The following EYS variants were observed in gnomAD, a reference collection of about 807,000 sequenced individuals.
The protein encoded by EYS is protein eyes shut homolog.
EYS carries 250 observed loss-of-function variants against 282.1 expected under a neutral mutation model. That is an observed-to-expected ratio of 0.89 (90% CI 0.80 to 0.98). The LOEUF (loss-of-function observed/expected upper bound fraction) is 0.98. EYS is among the 50% of genes least tolerant of loss of function. EYS has a pLI of 0.00. For synonymous variants in EYS, 1,355 were observed against 1,282.9 expected (o/e 1.06, Z -1.20); for missense variants, 4,016 against 3,709.0 (o/e 1.08, Z -2.15).
chr6:63,824,978 T>A (rs1342850860), intron 36 of EYS, among the ~76,000 whole-genome samples: 2 of 152,198 alleles, frequency 1.3e-5, no homozygotes, highest in Admixed American at 1.3e-4. Flanking sequence ...AGCCCTTTTC[T>A]TTTGCAGCTG....
At position 65,454,404 on chromosome 6, in the gene EYS, A is replaced by T. The variant is rs189640820; in HGVS notation, c.862+36190T>A. Among the ~76,000 whole-genome samples, 417 of 152,038 alleles carry T rather than the reference A, an allele frequency of 2.7e-3. 1 individual carries two copies. The highest frequency in any genetic ancestry group is 9.7e-3 in the African/African-American group (402 of 41,532). Reference sequence around the variant, plus strand: ...AATTTCTTATATATTCTGAATATAAATCCTTTGTTAGATGTATAATTTGCA... The same window carrying T: ...AATTTCTTATATATTCTGAATATAATTCCTTTGTTAGATGTATAATTTGCA... On this transcript the variant is annotated intron_variant, in intron 5 of 42. Coordinates refer to ENST00000503581, the MANE Select transcript of EYS (RefSeq NM_001142800.2).
intron 9 of EYS, among the ~76,000 whole-genome samples, chr6:65,346,000 A>G (rs1458321214): frequency 6.6e-6 from 1 of 151,814 alleles, no homozygotes; most frequent in Non-Finnish European, 1.5e-5. Flanking sequence ...CTCTCTCCCA[A>G]CTCAGTGATC....
At chr6:64,817,550 A>G (rs1380776707) in intron 21 of EYS, among the ~76,000 whole-genome samples, 1 of 152,106 alleles carries the variant, frequency 6.6e-6, no homozygotes, top group African/African-American at 2.4e-5. Flanking sequence ...GGTGTATTGC[A>G]CTTGGGTAGT....
At chr6:65,282,342 C>T (rs1768247395) in intron 12 of EYS, among the ~76,000 whole-genome samples, 1 of 151,918 alleles carries the variant, frequency 6.6e-6, no homozygotes, top group African/African-American at 2.4e-5. Flanking sequence ...GTACATCATA[C>T]ATTTATAAAA....
intron 19 of EYS, among the ~76,000 whole-genome samples, chr6:64,854,427 T>C (rs1251698170): frequency 6.6e-6 from 1 of 151,810 alleles, no homozygotes; most frequent in Non-Finnish European, 1.5e-5. Flanking sequence ...AAAGGATGAG[T>C]TCATGTTCTT....
intron 37 of EYS, among the ~76,000 whole-genome samples, chr6:63,799,012 T>TAA: frequency 7.1e-6 from 1 of 140,146 alleles, no homozygotes; most frequent in Admixed American, 7.1e-5. Flanking sequence ...TATATATATA[T>TAA]ATATATATAA....
At chr6:65,418,402 C>T (rs1767322407) in intron 5 of EYS, among the ~76,000 whole-genome samples, 2 of 151,956 alleles carry the variant, frequency 1.3e-5, no homozygotes, top group Non-Finnish European at 2.9e-5. Context: ...TATTATTCTG[C>T]TATAAGGACA....
At chr6:65,145,504 A>G (rs1764455737) in intron 12 of EYS, among the ~76,000 whole-genome samples, 1 of 148,606 alleles carries the variant, frequency 6.7e-6, no homozygotes, top group South Asian at 2.1e-4. Flanking sequence ...CTGTCAGACT[A>G]TGTAAGAGGA....
chr6:64,410,692 T>C (rs1773861161), intron 28 of EYS, among the ~76,000 whole-genome samples: 1 of 152,156 alleles, frequency 6.6e-6, no homozygotes, highest in South Asian at 2.1e-4. Context: ...AATTCTGTCT[T>C]TGTCTTTTAG....
intron 28 of EYS, among the ~76,000 whole-genome samples, chr6:64,417,474 C>A (rs1265161786): frequency 6.6e-6 from 1 of 151,948 alleles, no homozygotes; most frequent in African/African-American, 2.4e-5. Context: ...TCAAAATAGA[C>A]CATTTAGATA....
At chr6:64,212,265 T>C (rs958199982) in intron 31 of EYS, among the ~76,000 whole-genome samples, 4 of 152,102 alleles carry the variant, frequency 2.6e-5, no homozygotes, top group African/African-American at 9.7e-5. Context: ...TCAAATAATT[T>C]ACCGATTAGG....
chr6:64,138,852 T>A (rs985534661), intron 31 of EYS, among the ~76,000 whole-genome samples: 1 of 152,166 alleles, frequency 6.6e-6, no homozygotes, highest in African/African-American at 2.4e-5. Context: ...GGTAAGAAAT[T>A]AAAATCCGAA....
At chr6:64,639,533 A>G (rs1768061614) in intron 22 of EYS, among the ~76,000 whole-genome samples, 1 of 90,734 alleles carries the variant, frequency 1.1e-5, no homozygotes, top group South Asian at 4.5e-4. Context: ...TATGCTAAAG[A>G]TTAAAATTCC....
chr6:63,973,640 G>A (rs551823776), intron 35 of EYS, among the ~76,000 whole-genome samples: 2 of 152,218 alleles, frequency 1.3e-5, no homozygotes, highest in East Asian at 3.9e-4. Context: ...AAATTCGTAT[G>A]AGAACAATGC....
In EYS at chr6:64,704,430, TA is replaced by T. The variant is rs1425013973; in HGVS notation, c.3444-78186del. 2.2e-5 allele frequency among the ~76,000 whole-genome samples: 3 copies of T among 137,432 alleles called. No individual in the cohort carries two copies. In the Admixed American group the frequency reaches 2.3e-4, roughly 10 times the overall value. The allele number at this position is 137,432 out of a possible 152,430, so 90.2% of individuals were successfully genotyped here. A position where few individuals can be genotyped will look rare whatever the true frequency, so the allele number is the denominator to read the frequency against. ...TGAGTGGCAATCTAAATTATATTTC[TA>T]TAATATAATCTATATTATAATATAA... On this transcript the variant is annotated intron_variant, in intron 22 of 42. Transcript: ENST00000503581.
At chr6:64,464,984 C>A (rs191563956) in intron 26 of EYS, among the ~76,000 whole-genome samples, 4 of 151,660 alleles carry the variant, frequency 2.6e-5, no homozygotes, top group Non-Finnish European at 5.9e-5. Flanking sequence ...GAGAACAATT[C>A]TTGTTACAAA....
chr6:63,914,015 T>A (rs1764350160), intron 35 of EYS, among the ~76,000 whole-genome samples: 1 of 152,156 alleles, frequency 6.6e-6, no homozygotes, highest in Non-Finnish European at 1.5e-5. Context: ...ATCCCTGATG[T>A]TACTATTGTA....
intron 29 of EYS, among the ~76,000 whole-genome samples, chr6:64,320,887 A>C (rs1195253618): frequency 6.6e-6 from 1 of 151,866 alleles, no homozygotes; most frequent in African/African-American, 2.4e-5. Flanking sequence ...TTTTTAAAAA[A>C]TAAATTCTAC....
chr6:64,723,206 T>C (rs552499814), intron 22 of EYS, among the ~76,000 whole-genome samples: 77 of 152,322 alleles, frequency 5.1e-4, no homozygotes, highest in African/African-American at 1.4e-3. Context: ...TAATGACTTA[T>C]GAGCCTTACC....
Sources: allele counts gnomAD v4.1 joint callset (sites outside exome capture counted in the v4.1 genomes callset), GRCh38; gene constraint gnomAD v4.1.1; transcripts MANE v1.5; gene names NCBI Gene and HGNC (gene_info 2026-07-23, HGNC 2026-07-21).